The following ACADM variants were observed in gnomAD, a reference collection of about 807,000 sequenced individuals.
ACADM encodes medium-chain specific acyl-CoA dehydrogenase, mitochondrial.
Under a neutral mutation model 58.9 loss-of-function variants are expected in ACADM, and 49 were observed. The observed-to-expected ratio is 0.83, with a 90% CI of 0.66 to 1.06. ACADM has a LOEUF of 1.06. Among genes scored for constraint, ACADM ranks in the 50% least tolerant of loss-of-function variants. The pLI is 0.00. For missense variants in ACADM, 496 were observed against 507.0 expected (o/e 0.98, Z 0.21); for synonymous variants, 160 against 157.7 (o/e 1.01, Z -0.11).
At chr1:75,738,229 A>ATTAT (rs1553123675) in intron 6 of ACADM, among the ~76,000 whole-genome samples, 5 of 101,882 alleles carry the variant, frequency 4.9e-5, no homozygotes, top group Non-Finnish European at 8.5e-5. Flanking sequence ...TATTGTTATT[A>ATTAT]TTTTTTTTTT....
intron 8 of ACADM, 32 bp downstream of exon 8, chr1:75,745,946 A>T (rs1270058681): frequency 6.9e-7 from 1 of 1,456,934 alleles, no homozygotes; most frequent in African/African-American, 1.4e-5. Flanking sequence ...AGGGCCCCAA[A>T]TATTATTTTA....
rs71071962 is a variant in ACADM at position 75,753,795 on chromosome 1, C to CTTTTTTTTTTTTTTTTTTTTTTTTTT, written c.945+3268_945+3269insTTTTTTTTTTTTTTTTTTTTTTTTTT. ...GCACTCTGCAAAATGCTGATAGCTTCTTTTTTTTTTTTTTTTTTTGAGACA... is the reference window on the plus strand; with the variant it reads ...GCACTCTGCAAAATGCTGATAGCTTCTTTTTTTTTTTTTTTTTTTTTTTTTTTTTTTTTTTTTTTTTTTTTGAGACA... On this transcript the variant is annotated intron_variant, in intron 10 of 11. Transcript: ENST00000370841. Among the ~76,000 whole-genome samples, 231 of 81,888 alleles carry CTTTTTTTTTTTTTTTTTTTTTTTTTT rather than the reference C, an allele frequency of 2.8e-3. 43 individuals carry two copies. Among genetic ancestry groups the CTTTTTTTTTTTTTTTTTTTTTTTTTT allele is most frequent in the African/African-American group, 7.3e-3 (120 of 16,456 alleles). 53.7% of individuals were successfully genotyped at this position (81,888 alleles called of 152,430 possible).
chr1:75,733,552 A>T lies in ACADM; in HGVS notation c.311A>T (p.Asp104Val). Reference protein sequence around the residue: ...NCGGLGLGTFDACLISEELAY... With the variant: ...NCGGLGLGTFVACLISEELAY... Reference sequence around the variant, plus strand: ...GGAGGTCTTGGACTTGGAACTTTTGATGCTTGTTTAATTAGTGAAGAATTG... The same window carrying T: ...GGAGGTCTTGGACTTGGAACTTTTGTTGCTTGTTTAATTAGTGAAGAATTG... Residue 104 changes from aspartate to valine, a missense_variant, in exon 5 of 12, where the codon GAT becomes GTT. Coordinates refer to ENST00000370841, the MANE Select transcript of ACADM (RefSeq NM_000016.6). 6.2e-7 allele frequency: 1 copy of T among 1,614,072 alleles called. No individual in the cohort carries two copies.
At chr1:75,762,482 T>C (rs2100456272) in intron 11 of ACADM, among the ~76,000 whole-genome samples, 1 of 152,182 alleles carries the variant, frequency 6.6e-6, no homozygotes, top group East Asian at 1.9e-4. Context: ...TAAATGGCTT[T>C]TTATAATAAC....
Position 75,729,885 on chromosome 1 carries a change from A to ATTTTTT in ACADM, c.118+1419_118+1424dup, listed in dbSNP as rs551916973. Among the ~76,000 whole-genome samples, 5 of 73,882 alleles carry ATTTTTT rather than the reference A, an allele frequency of 6.8e-5. 1 individual carries two copies. Among genetic ancestry groups the ATTTTTT allele is most frequent in the African/African-American group, 2.2e-4 (4 of 18,018 alleles). 48.5% of individuals were successfully genotyped at this position (73,882 alleles called of 152,430 possible). A position where few individuals can be genotyped will look rare whatever the true frequency, so the allele number is the denominator to read the frequency against. ...TGAGGATAGCCATTTGGGATGGTGG[A>ATTTTTT]TTTTTTTTTTTTTTTTTTTTTTTTT... is the stretch of plus-strand genomic sequence containing the variant. On this transcript the variant is annotated intron_variant, in intron 2 of 11. Transcript: ENST00000370841.
intron 9 of ACADM, among the ~76,000 whole-genome samples, chr1:75,749,878 A>G (rs1323699480): frequency 6.6e-6 from 1 of 151,672 alleles, no homozygotes; most frequent in Non-Finnish European, 1.5e-5. Flanking sequence ...CTGCCCAGCT[A>G]ATTTTTGTAT....
Position 75,740,072 on chromosome 1 carries a change from T to C in ACADM, c.561T>C (p.Gly187=), listed in dbSNP as rs1451755610. Reference sequence around the variant, plus strand: ...AAGGAGATGAGTATATTATTAATGGTCAGAAGATGTGGATAACCAACGGAG... The same window carrying C: ...AAGGAGATGAGTATATTATTAATGGCCAGAAGATGTGGATAACCAACGGAG... The part of the protein sequence containing the change: ...EKKGDEYIIN[G]QKMWITNGGK... Residue 187 remains glycine (G), a synonymous_variant, in exon 7 of 12, where the codon GGT becomes GGC. Transcript: ENST00000370841. 1 of 1,612,684 alleles carries C rather than the reference T, an allele frequency of 6.2e-7. No individual in the cohort carries two copies. The highest frequency in any genetic ancestry group is 1.1e-5 in the South Asian group (1 of 91,058).
rs941714381 is a variant in ACADM, at chr1:75,749,418, G to A, written c.709-1G>A. 3.1e-6 allele frequency: 5 copies of A among 1,613,358 alleles called. No homozygotes were observed. Among genetic ancestry groups the A allele is most frequent in the Non-Finnish European group, 4.2e-6 (5 of 1,179,710 alleles). ...TTAAAATATATCAATTTTCTTATTA[G>A]GAATTAAACATGGGCCAGCGATGTT... is the stretch of plus-strand genomic sequence containing the variant. On this transcript the variant is annotated splice_acceptor_variant, in intron 8 of 11. Transcript: ENST00000370841. LOFTEE classifies it high-confidence loss of function.
At chr1:75,759,656 C>CTTTTTT (rs34394777) in intron 10 of ACADM, among the ~76,000 whole-genome samples, 39 of 87,518 alleles carry the variant, frequency 4.5e-4, no homozygotes, top group East Asian at 1.3e-3. Context: ...TAGCAACTTT[C>CTTTTTT]TTTTTTTTTT....
rs577386668 is a variant in ACADM, at chr1:75,727,120, TA to T, written c.31-1277del. Among the ~76,000 whole-genome samples the T allele has an allele frequency of 2.2e-3, 339 of 152,238 alleles. 3 individuals are homozygous for T. Among genetic ancestry groups the T allele is most frequent in the African/African-American group, 7.9e-3 (328 of 41,538 alleles). On this transcript the variant is annotated intron_variant, in intron 1 of 11. Coordinates refer to ENST00000370841, the MANE Select transcript of ACADM (RefSeq NM_000016.6). Reference sequence around the variant, plus strand: ...ACCTGGCACTGTTTCACTTTCAAAATAAAATTAATGAAGATGCAAAGAAAAT... The same window carrying T: ...ACCTGGCACTGTTTCACTTTCAAAATAAATTAATGAAGATGCAAAGAAAAT...
chr1:75,755,384 C>A (rs981580969), intron 10 of ACADM, among the ~76,000 whole-genome samples: 6 of 152,198 alleles, frequency 3.9e-5, no homozygotes, highest in Non-Finnish European at 8.8e-5. Flanking sequence ...ACACCTCATA[C>A]GTCCGGGTGC....
intron 10 of ACADM, among the ~76,000 whole-genome samples, chr1:75,760,423 G>GAA (rs1323288013): frequency 7.3e-6 from 1 of 137,854 alleles, no homozygotes. Context: ...CTTTGTCTCA[G>GAA]AAAAAAAAAA....
At chr1:75,755,385 G>T (rs955383375) in intron 10 of ACADM, among the ~76,000 whole-genome samples, 1 of 152,172 alleles carries the variant, frequency 6.6e-6, no homozygotes, top group African/African-American at 2.4e-5. Context: ...CACCTCATAC[G>T]TCCGGGTGCC....
intron 7 of ACADM, chr1:75,745,442 T>C: frequency 4.6e-6 from 1 of 218,220 alleles, no homozygotes; most frequent in South Asian, 6.8e-5. Flanking sequence ...GCCAAGATCA[T>C]GCCACTGTAC....
intron 10 of ACADM, among the ~76,000 whole-genome samples, chr1:75,760,261 A>C (rs1165527310): frequency 7.3e-6 from 1 of 136,702 alleles, no homozygotes; most frequent in Non-Finnish European, 1.6e-5. Flanking sequence ...TCTACTAAAA[A>C]TACAAAAAAA....
At chr1:75,730,470 G>A (rs1365464333) in intron 2 of ACADM, among the ~76,000 whole-genome samples, 1 of 151,796 alleles carries the variant, frequency 6.6e-6, no homozygotes, top group Non-Finnish European at 1.5e-5. Context: ...TGTATTTAAA[G>A]CCCCTAGCAC....
At chr1:75,729,565 C>T (rs1647114655) in intron 2 of ACADM, among the ~76,000 whole-genome samples, 1 of 150,302 alleles carries the variant, frequency 6.7e-6, no homozygotes, top group Non-Finnish European at 1.5e-5. Context: ...GTGCAAGTGG[C>T]TCACTGCAAC....
intron 2 of ACADM, among the ~76,000 whole-genome samples, chr1:75,729,253 A>T (rs1647104286): frequency 7.0e-6 from 1 of 142,916 alleles, no homozygotes; most frequent in Non-Finnish European, 1.5e-5. Context: ...TCTTACCAGA[A>T]TTTAATGAAA....
rs1183668586 is a variant in ACADM, at chr1:75,732,837, GTTCT to G, written c.217-13_217-10del. ...GGATTTCAAAATATATTTTAACTCA[GTTCT>G]TTTTCTTCTAGTATCCAGTCCCCCT... On this transcript the variant is annotated splice_polypyrimidine_tract_variant and intron_variant, in intron 3 of 11. Transcript: ENST00000370841. The G allele has an allele frequency of 1.2e-6, 2 of 1,611,698 alleles. No homozygotes were observed. Among genetic ancestry groups the G allele is most frequent in the Admixed American group, 3.3e-5 (2 of 60,008 alleles).
Sources: gnomAD v4.1 joint callset for allele counts (sites outside exome capture counted in the v4.1 genomes callset) on GRCh38, gnomAD v4.1.1 for gene constraint, MANE v1.5 for transcripts, NCBI Gene and HGNC (gene_info 2026-07-23, HGNC 2026-07-21) for gene names.